SYNE2: variants seen among roughly 807,000 people sequenced by gnomAD.
SYNE2 encodes spectrin repeat containing nuclear envelope protein 2.
SYNE2 carries 431 observed loss-of-function variants against 856.3 expected under a neutral mutation model. The observed-to-expected ratio is 0.50, with a 90% CI of 0.47 to 0.55. The LOEUF is 0.55. Ranked by LOEUF, SYNE2 falls within the 20% of genes least tolerant of loss-of-function variation. The probability of loss-of-function intolerance (pLI) is 0.00; values close to 1 mark genes in which losing one functional copy is unlikely to be tolerated. For synonymous variants in SYNE2, 2,923 were observed against 2,872.3 expected (o/e 1.02, Z -0.56); for missense variants, 8,129 against 8,023.2 (o/e 1.01, Z -0.50).
chr14:63,773,767 G>C (rs1310221549), intron 1 of SYNE2, among the ~76,000 whole-genome samples: 1 of 152,138 alleles, frequency 6.6e-6, no homozygotes, highest in Non-Finnish European at 1.5e-5. Flanking sequence ...GAGCAAGACT[G>C]TCATGTCTAA....
intron 55 of SYNE2, among the ~76,000 whole-genome samples, chr14:64,079,629 G>A (rs905406375): frequency 6.6e-6 from 1 of 152,238 alleles, no homozygotes; most frequent in Non-Finnish European, 1.5e-5. Flanking sequence ...GGTTTCTTGA[G>A]TCAAAAGCAG....
At chr14:64,033,899 C>A (rs968273913) in intron 45 of SYNE2, among the ~76,000 whole-genome samples, 1 of 151,984 alleles carries the variant, frequency 6.6e-6, no homozygotes, top group Non-Finnish European at 1.5e-5. Flanking sequence ...TATTCTCTAG[C>A]AACATTTTGT....
In SYNE2 at chr14:63,789,756, C is replaced by T. The variant is rs113704959; in HGVS notation, c.-305+27770C>T. On this transcript the variant is annotated intron_variant, in intron 1 of 23. Coordinates refer to the SYNE2 transcript ENST00000674003. ...TCGTGCCACTGCACTCCAGCCTGGG[C>T]GACAGTGAGACTTGTCTCAAAAAAA... is the stretch of plus-strand genomic sequence containing the variant. Among the ~76,000 whole-genome samples, 197 of 150,152 alleles carry T rather than the reference C, an allele frequency of 1.3e-3. 2 individuals carry two copies. Among genetic ancestry groups the T allele is most frequent in the African/African-American group, 4.6e-3 (189 of 40,800 alleles).
intron 1 of SYNE2, among the ~76,000 whole-genome samples, chr14:63,878,656 C>T (rs1489891526): frequency 6.6e-6 from 1 of 152,134 alleles, no homozygotes; most frequent in African/African-American, 2.4e-5. Context: ...AATTCTCCTG[C>T]CTCAGCCTCC....
intron 1 of SYNE2, among the ~76,000 whole-genome samples, chr14:63,828,569 T>C (rs1333027107): frequency 1.3e-5 from 2 of 150,488 alleles, no homozygotes; most frequent in African/African-American, 4.9e-5. Flanking sequence ...AGCCCAGGAG[T>C]TCAAGATCAG....
chr14:63,879,298 G>T (rs8009123), intron 1 of SYNE2, among the ~76,000 whole-genome samples: 9,990 of 152,236 alleles, frequency 0.066, 473 homozygotes, highest in African/African-American at 0.13. Context: ...AGCAAGGCAG[G>T]AAAAGAAGAC....
chr14:64,098,745 A>C lies in SYNE2; in HGVS notation c.12307-2A>C, dbSNP rs535952149. ...CAGGTATTCTTGTGCTGTGCCTTTC[A>C]GTTGAACAGAAGAGGCTCCATGTCT... On this transcript the variant is annotated splice_acceptor_variant, in intron 62 of 115. Coordinates refer to ENST00000555002, the MANE Select transcript of SYNE2 (RefSeq NM_182914.3). LOFTEE classifies it high-confidence loss of function. The C allele has an allele frequency of 6.2e-7, 1 of 1,613,956 alleles. No homozygotes were observed. The highest frequency in any genetic ancestry group is 8.5e-7 in the Non-Finnish European group (1 of 1,179,980).
At chr14:64,138,931 TGTGTGTGTATGTATG>T (rs1247292500) in intron 79 of SYNE2, among the ~76,000 whole-genome samples, 26 of 145,044 alleles carry the variant, frequency 1.8e-4, no homozygotes, top group African/African-American at 6.1e-4. Context: ...TGTGTGTGTG[TGTGTGTGTATGTATG>T]GTGTGTGTGT....
chr14:63,763,075 C>T (rs551506816), intron 1 of SYNE2, among the ~76,000 whole-genome samples: 1 of 152,290 alleles, frequency 6.6e-6, no homozygotes, highest in East Asian at 1.9e-4. Flanking sequence ...TCAAGAAATT[C>T]TCCTGTCTCA....
chr14:64,139,816 AT>A, intron 79 of SYNE2, 124 bp from the exon 80 acceptor site: 1 of 954,232 alleles, frequency 1.0e-6, no homozygotes, highest in Non-Finnish European at 1.7e-6. Context: ...ACGTCATGAT[AT>A]TCTGAATGTT....
At chr14:63,939,181 G>T (rs976123773) in intron 2 of SYNE2, among the ~76,000 whole-genome samples, 13 of 152,050 alleles carry the variant, frequency 8.5e-5, no homozygotes, top group African/African-American at 3.1e-4. Context: ...TGAGTGCAGG[G>T]CTAACCCTTA....
chr14:64,223,642 T>A (rs1403361120), intron 113 of SYNE2, among the ~76,000 whole-genome samples: 1 of 152,178 alleles, frequency 6.6e-6, no homozygotes. Flanking sequence ...ATTTTTGTAT[T>A]TTTTGTAGAG....
At chr14:63,787,566 T>A (rs896293264) in intron 1 of SYNE2, among the ~76,000 whole-genome samples, 2 of 152,078 alleles carry the variant, frequency 1.3e-5, no homozygotes, top group Admixed American at 6.6e-5. Context: ...CTTCATTGAG[T>A]GTTAGAACAG....
rs777272258 is a variant in SYNE2, at chr14:64,188,709, G to A, written c.17871+1G>A. ...AGAAATGATTGAAAAGTTACAGAAG[G>A]TAAGGGAGGACACCCAGGTGGATGT... On this transcript the variant is annotated splice_donor_variant, in intron 98 of 115. Transcript: ENST00000555002. LOFTEE classifies it high-confidence loss of function. The A allele has an allele frequency of 1.2e-6, 2 of 1,614,106 alleles. No homozygotes were observed. The highest frequency in any genetic ancestry group is 1.7e-6 in the Non-Finnish European group (2 of 1,179,998).
intron 2 of SYNE2, among the ~76,000 whole-genome samples, chr14:63,933,808 C>A (rs1247954462): frequency 6.6e-6 from 1 of 152,164 alleles, no homozygotes; most frequent in Non-Finnish European, 1.5e-5. Flanking sequence ...ACATGCCATT[C>A]TAAGAAGAGT....
In SYNE2 at chr14:64,016,647, A is replaced by G; in HGVS notation, c.4887+16A>G. Reference sequence around the variant, plus strand: ...ATGGCTTGATGTAAGTGATAATTTCATTGATTGCAAATTTAATTTTGTTTC... The same window carrying G: ...ATGGCTTGATGTAAGTGATAATTTCGTTGATTGCAAATTTAATTTTGTTTC... On this transcript the variant is annotated intron_variant, in intron 33 of 115. Coordinates refer to ENST00000555002, the MANE Select transcript of SYNE2 (RefSeq NM_182914.3). 1 of 1,538,016 alleles carries G rather than the reference A, an allele frequency of 6.5e-7. No homozygotes were observed. Among genetic ancestry groups the G allele is most frequent in the Non-Finnish European group, 9.0e-7 (1 of 1,117,056 alleles).
intron 96 of SYNE2, among the ~76,000 whole-genome samples, chr14:64,184,560 G>A (rs2098479286): frequency 6.6e-6 from 1 of 152,212 alleles, no homozygotes; most frequent in Non-Finnish European, 1.5e-5. Flanking sequence ...TGGACAGGCT[G>A]AGCTTCCTGC....
At chr14:63,862,893 G>A (rs1008082744) in intron 1 of SYNE2, among the ~76,000 whole-genome samples, 14 of 152,176 alleles carry the variant, frequency 9.2e-5, no homozygotes, top group South Asian at 2.1e-4. Context: ...TGCCTCCTGG[G>A]TTCAAGTGAT....
At chr14:64,039,546 CAT>C (rs1287358066) in intron 45 of SYNE2, among the ~76,000 whole-genome samples, 1 of 152,150 alleles carries the variant, frequency 6.6e-6, no homozygotes, top group African/African-American at 2.4e-5. Flanking sequence ...AGGAAAGATA[CAT>C]GTTTGAGAAA....
Sources: allele counts gnomAD v4.1 joint callset (sites outside exome capture counted in the v4.1 genomes callset), GRCh38; gene constraint gnomAD v4.1.1; transcripts MANE v1.5; gene names NCBI Gene and HGNC (gene_info 2026-07-23, HGNC 2026-07-21).